FGG: variants seen among roughly 807,000 people sequenced by gnomAD.
FGG encodes fibrinogen gamma chain.
Under a neutral mutation model 51.7 loss-of-function variants are expected in FGG, and 20 were observed. The observed-to-expected ratio is 0.39, with a 90% confidence interval of 0.27 to 0.56. FGG has a LOEUF of 0.56. Among genes scored for constraint, FGG ranks in the 20% least tolerant of loss-of-function variants. The pLI, the probability that FGG is intolerant of heterozygous loss-of-function variation, is 0.64. For missense variants in FGG, 460 were observed against 534.2 expected (o/e 0.86, Z 1.37); for synonymous variants, 184 against 184.7 (o/e 1.00, Z 0.03).
chr4:154,604,879 A>AG lies in FGG; in HGVS notation c.1316dup (p.Ala440CysfsTer6). 2 of 1,614,086 alleles carry AG rather than the reference A, an allele frequency of 1.2e-6. No individual in the cohort carries two copies. The highest frequency in any genetic ancestry group is 8.5e-7 in the Non-Finnish European group (1 of 1,179,952). On this transcript the variant is annotated frameshift_variant, in exon 9 of 9. Coordinates refer to ENST00000336098, the MANE Select transcript of FGG (RefSeq NM_021870.3). LOFTEE classifies it low-confidence loss of function (END_TRUNC). ...AAAGTGAGTCATATTCTGTTTCCGC[A>AG]GGGTGCTCTGGTCTGACCTGTTTGG...
intron 4 of FGG, among the ~76,000 whole-genome samples, 160 bp from the exon 5 acceptor site, chr4:154,610,357 A>G (rs937845971): frequency 1.2e-4 from 18 of 152,214 alleles, no homozygotes; most frequent in Non-Finnish European, 2.1e-4. Flanking sequence ...AAATTATATT[A>G]CTAAATTAAC....
rs1731059142 is a variant in FGG at position 154,604,444 on chromosome 4, T to C, written c.*390A>G. The C allele has an allele frequency of 8.3e-7, 1 of 1,210,932 alleles. No individual in the cohort carries two copies. Among genetic ancestry groups the C allele is most frequent in the African/African-American group, 1.6e-5 (1 of 61,808 alleles). The allele number at this position is 1,210,932 out of a possible 1,614,324, so 75.0% of individuals were successfully genotyped here. On this transcript the variant is annotated 3_prime_UTR_variant, in exon 9 of 9. Transcript: ENST00000336098. The stretch of plus-strand genomic sequence containing the variant: ...GAATTAAATAGGAATGATTTAGGGG[T>C]AATAAACAAGGAAAATACCTGGGAA...
intron 6 of FGG, 51 bp from the exon 7 acceptor site, chr4:154,608,701 G>T: frequency 6.7e-7 from 1 of 1,496,790 alleles, no homozygotes; most frequent in Non-Finnish European, 9.2e-7. Context: ...ATCAATGCAT[G>T]TAAAGAGAAT....
chr4:154,606,098 G>A (rs1484937305), intron 8 of FGG, among the ~76,000 whole-genome samples: 1 of 151,918 alleles, frequency 6.6e-6, no homozygotes, highest in Non-Finnish European at 1.5e-5. Context: ...TTTAGCATCG[G>A]TAAGGCTTCC....
chr4:154,609,040 C>T (rs1731153317), intron 6 of FGG, among the ~76,000 whole-genome samples: 2 of 152,176 alleles, frequency 1.3e-5, no homozygotes, highest in Admixed American at 1.3e-4. Context: ...TTCATTCCCT[C>T]TGAGCGCCCC....
chr4:154,604,588 C>T lies in FGG; in HGVS notation c.*246G>A, dbSNP rs1030813664. On this transcript the variant is annotated 3_prime_UTR_variant, in exon 9 of 9. Transcript: ENST00000336098. ...GTGGTCATAAAAATGCAAATAAAGT[C>T]AATCATTTTATTATTATATATTTAG... The T allele has an allele frequency of 1.2e-5, 14 of 1,207,408 alleles. No homozygotes were observed. The highest frequency in any genetic ancestry group is 1.5e-5 in the Non-Finnish European group (14 of 922,180). 74.8% of individuals were successfully genotyped at this position (1,207,408 alleles called of 1,614,324 possible).
chr4:154,604,421 A>C lies in FGG; in HGVS notation c.*413T>G. 7.5e-7 allele frequency: 1 copy of C among 1,341,918 alleles called. No homozygotes were observed. Among genetic ancestry groups the C allele is most frequent in the South Asian group, 1.5e-5 (1 of 68,066 alleles). The allele number at this position is 1,341,918 out of a possible 1,614,324, so 83.1% of individuals were successfully genotyped here. ...TAATTTTCTCCATTTAAAAAGAAGAATTAAATAGGAATGATTTAGGGGTAA... is the reference window on the plus strand; with the variant it reads ...TAATTTTCTCCATTTAAAAAGAAGACTTAAATAGGAATGATTTAGGGGTAA... On this transcript the variant is annotated 3_prime_UTR_variant, in exon 9 of 9. Coordinates refer to ENST00000336098, the MANE Select transcript of FGG (RefSeq NM_021870.3).
chr4:154,612,317 T>A (rs1204181524), intron 2 of FGG, 74 bp downstream of exon 2: 1 of 1,588,702 alleles, frequency 6.3e-7, no homozygotes, highest in East Asian at 2.2e-5. Flanking sequence ...AGATGATATT[T>A]ATGAGGGAAT....
In FGG at chr4:154,610,059, T is replaced by A. The variant is rs768435003; in HGVS notation, c.532+8A>T. 8.7e-6 allele frequency: 14 copies of A among 1,613,832 alleles called. No homozygotes were observed. Among genetic ancestry groups the A allele is most frequent in the Non-Finnish European group, 1.1e-5 (13 of 1,179,816 alleles). ...GAACCTAATCCCAATATAACCTTCATCAGTTACCTTTCCCAGTGATATCAT... is the reference window on the plus strand; with the variant it reads ...GAACCTAATCCCAATATAACCTTCAACAGTTACCTTTCCCAGTGATATCAT... On this transcript the variant is annotated splice_region_variant and intron_variant, in intron 5 of 8. Coordinates refer to ENST00000336098, the MANE Select transcript of FGG (RefSeq NM_021870.3).
At chr4:154,606,365 A>G (rs1270705079) in intron 8 of FGG, among the ~76,000 whole-genome samples, 2 of 152,194 alleles carry the variant, frequency 1.3e-5, no homozygotes, top group Non-Finnish European at 2.9e-5. Context: ...TGTGTCAACA[A>G]GCATCCATGT....
At chr4:154,608,770 A>G in intron 6 of FGG, 120 bp from the exon 7 acceptor site, 1 of 900,520 alleles carries the variant, frequency 1.1e-6, no homozygotes, top group Non-Finnish European at 1.8e-6. Flanking sequence ...CAACTAAGTG[A>G]TCTTGGCCAA....
intron 8 of FGG, among the ~76,000 whole-genome samples, chr4:154,606,091 A>C (rs1727164716): frequency 6.6e-6 from 1 of 152,012 alleles, no homozygotes; most frequent in South Asian, 2.1e-4. Context: ...TGGATCCTTT[A>C]GCATCGGTAA....
Position 154,605,060 on chromosome 4 carries a change from G to A in FGG, c.1136C>T (p.Thr379Ile), listed in dbSNP as rs896318406. Residue 379 changes from threonine to isoleucine, a missense_variant, in exon 9 of 9, where the codon ACT becomes ATT. Coordinates refer to ENST00000336098, the MANE Select transcript of FGG (RefSeq NM_021870.3). ...ATTAGGAGTAGATGCTTTTGAGTAAGTGCCACCTAAAACAAGTCGTAGATG... is the reference window on the plus strand; with the variant it reads ...ATTAGGAGTAGATGCTTTTGAGTAAATGCCACCTAAAACAAGTCGTAGATG... ...HLNGVYYQGG[T>I]YSKASTPNGY... 6.2e-7 allele frequency: 1 copy of A among 1,613,810 alleles called. No homozygotes were observed. The highest frequency in any genetic ancestry group is 1.3e-5 in the African/African-American group (1 of 74,866).
In FGG at chr4:154,604,882, G is replaced by A; in HGVS notation, c.1314C>T (p.His438=). The part of the protein sequence containing the change: ...LGGAKQVRPE[H]PAETEYDSLY... ...GTGAGTCATATTCTGTTTCCGCAGG[G>A]TGCTCTGGTCTGACCTGTTTGGCTC... The change falls in exon 9 of 9, where the codon CAC becomes CAT. Residue 438 remains histidine (H), a synonymous_variant. Transcript: ENST00000336098. 6.2e-7 allele frequency: 1 copy of A among 1,614,044 alleles called. No individual in the cohort carries two copies. The highest frequency in any genetic ancestry group is 8.5e-7 in the Non-Finnish European group (1 of 1,179,946).
chr4:154,607,199 T>C (rs1242755893), intron 7 of FGG, among the ~76,000 whole-genome samples: 1 of 152,202 alleles, frequency 6.6e-6, no homozygotes, highest in African/African-American at 2.4e-5. Context: ...CTAGAAGCCT[T>C]TGAAGCATCT....
chr4:154,606,643 T>A, intron 8 of FGG, 62 bp downstream of exon 8: 1 of 1,503,844 alleles, frequency 6.6e-7, no homozygotes, highest in South Asian at 1.2e-5. Context: ...ATCTATTTAT[T>A]ATTTTTTATG....
chr4:154,608,026 A>T (rs1731132212), intron 7 of FGG, among the ~76,000 whole-genome samples: 1 of 152,184 alleles, frequency 6.6e-6, no homozygotes. Context: ...CAACCAGGAT[A>T]GTTGTTAAGA....
rs1387232364 is a variant in FGG, at chr4:154,611,808, A to G, written c.398T>C (p.Ile133Thr). 2 of 1,604,596 alleles carry G rather than the reference A, an allele frequency of 1.2e-6. No individual in the cohort carries two copies. Among genetic ancestry groups the G allele is most frequent in the Non-Finnish European group, 1.7e-6 (2 of 1,173,608 alleles). The change falls in exon 4 of 9, where the codon ATT becomes ACT. Residue 133 changes from isoleucine (I) to threonine (T), a missense_variant. Transcript: ENST00000336098. ...AAATTAAAACAAAAATCCTTACCGA[A>G]TACTTGAGTCATGTGTTAAAATCGA... is the stretch of plus-strand genomic sequence containing the variant. ...EASILTHDSSIRYLQEIYNSN... is the reference protein window; with the variant it reads ...EASILTHDSSTRYLQEIYNSN...
At chr4:154,607,272 C>G (rs1348242333) in intron 7 of FGG, among the ~76,000 whole-genome samples, 1 of 152,154 alleles carries the variant, frequency 6.6e-6, no homozygotes, top group Non-Finnish European at 1.5e-5. Context: ...AAGATCAAAT[C>G]CAGATGTGTA....
Sources: allele counts gnomAD v4.1 joint callset (sites outside exome capture counted in the v4.1 genomes callset), GRCh38; gene constraint gnomAD v4.1.1; transcripts MANE v1.5; gene names NCBI Gene and HGNC (gene_info 2026-07-23, HGNC 2026-07-21).